The following C2CD2 variants were observed in gnomAD, a reference collection of about 807,000 sequenced individuals.
C2CD2 encodes the protein C2 domain-containing protein 2.
C2CD2 carries 43 observed loss-of-function variants against 74.3 expected under a neutral mutation model. The observed-to-expected ratio is 0.58, with a 90% CI of 0.45 to 0.75. The LOEUF (loss-of-function observed/expected upper bound fraction) is 0.75, where lower values mean the gene tolerates loss of function less well. Among genes scored for constraint, C2CD2 ranks in the 30% least tolerant of loss-of-function variants. C2CD2 has a pLI of 0.00. For synonymous variants in C2CD2, 422 were observed against 390.7 expected, an observed-to-expected ratio of 1.08 and a Z score of -0.94; for missense variants, 801 against 916.3, an observed-to-expected ratio of 0.87 and a Z score of 1.63.
rs1484228218 is a variant in C2CD2 at position 41,895,322 on chromosome 21, A to G, written c.1870+3731T>C. 6.6e-6 allele frequency among the ~76,000 whole-genome samples: 1 copy of G among 152,182 alleles called. No individual in the cohort carries two copies. The highest frequency in any genetic ancestry group is 6.5e-5 in the Admixed American group (1 of 15,278). On this transcript the variant is annotated intron_variant, in intron 13 of 13. Transcript: ENST00000380486. The surrounding 1 kb of genome is among the most constrained non-coding windows in gnomAD (Gnocchi z 5.0). ...TCTGGAGGACTGTGACTGATCCAGT[A>G]ACTGATGGTCTGGATCAAGCAGATC...
At chr21:41,941,305 A>C (rs2065352296) in intron 2 of C2CD2, among the ~76,000 whole-genome samples, 1 of 152,162 alleles carries the variant, frequency 6.6e-6, no homozygotes, top group Non-Finnish European at 1.5e-5. Flanking sequence ...AGGGTACAGT[A>C]AGCTGATGCC....
At chr21:41,900,149 C>A (rs1434423522) in intron 12 of C2CD2, among the ~76,000 whole-genome samples, 1 of 152,042 alleles carries the variant, frequency 6.6e-6, no homozygotes, top group Admixed American at 6.5e-5. Context: ...TGGCGGGCGC[C>A]TGTACTCCCA....
rs1393383574 is a variant in C2CD2 at position 41,945,381 on chromosome 21, G to A, written c.280-3136C>T. Among the ~76,000 whole-genome samples, 1 of 152,140 alleles carries A rather than the reference G, an allele frequency of 6.6e-6. No individual in the cohort carries two copies. Among genetic ancestry groups the A allele is most frequent in the Non-Finnish European group, 1.5e-5 (1 of 68,036 alleles). On this transcript the variant is annotated intron_variant, in intron 1 of 13. Transcript: ENST00000380486. This position sits in a 1 kb window ranked among gnomAD's most constrained non-coding sequence, Gnocchi z 4.2. Reference sequence around the variant, plus strand: ...AGGTAATGAACACACTTAATGCCTAGGTCTTGGTTTCTAAACACTTCTCCA... The same window carrying A: ...AGGTAATGAACACACTTAATGCCTAAGTCTTGGTTTCTAAACACTTCTCCA...
chr21:41,896,148 A>G (rs2064819779), intron 13 of C2CD2, among the ~76,000 whole-genome samples: 1 of 152,238 alleles, frequency 6.6e-6, no homozygotes, highest in Non-Finnish European at 1.5e-5. Flanking sequence ...GCTGAGCTAC[A>G]GGCTGCACTC....
chr21:41,922,937 C>A (rs2065171051), intron 2 of C2CD2, among the ~76,000 whole-genome samples: 1 of 151,964 alleles, frequency 6.6e-6, no homozygotes, highest in Admixed American at 6.6e-5. Flanking sequence ...ACTTTCTTAG[C>A]AGCTAAAGTC....
At position 41,929,948 on chromosome 21, in the gene C2CD2, G is replaced by C. The variant is rs2065248673; in HGVS notation, c.379-7863C>G. Reference sequence around the variant, plus strand: ...GCTTCTGCCTTAAGGGTACCCCTTTGCTTTTGGGGCAGAAAGCAGGCACTT... The same window carrying C: ...GCTTCTGCCTTAAGGGTACCCCTTTCCTTTTGGGGCAGAAAGCAGGCACTT... On this transcript the variant is annotated intron_variant, in intron 2 of 13. Coordinates refer to ENST00000380486, the MANE Select transcript of C2CD2 (RefSeq NM_015500.2). This position sits in a 1 kb window ranked among gnomAD's most constrained non-coding sequence, Gnocchi z 4.6. 1.3e-5 allele frequency among the ~76,000 whole-genome samples: 2 copies of C among 152,228 alleles called. No homozygotes were observed.
At position 41,929,982 on chromosome 21, in the gene C2CD2, G is replaced by A. The variant is rs559683273; in HGVS notation, c.379-7897C>T. Among the ~76,000 whole-genome samples the A allele has an allele frequency of 1.6e-4, 24 of 152,322 alleles. No homozygotes were observed. The highest frequency in any genetic ancestry group is 5.8e-4 in the African/African-American group (24 of 41,564). On this transcript the variant is annotated intron_variant, in intron 2 of 13. Coordinates refer to ENST00000380486, the MANE Select transcript of C2CD2 (RefSeq NM_015500.2). This position sits in a 1 kb window ranked among gnomAD's most constrained non-coding sequence, Gnocchi z 4.6. ...GCAGAAAGCAGGCACTTTCAAAAGG[G>A]GGCTTGGCATGAATGTCATGAAAGG...
Position 41,918,936 on chromosome 21 carries a change from T to C in C2CD2, c.517A>G (p.Arg173Gly). Residue 173 changes from arginine (R) to glycine (G), a missense_variant, in exon 4 of 14, where the codon AGA (arginine) becomes GGA (glycine). Physicochemically the swap from Arg to Gly is moderately radical, Grantham distance 125. Coordinates refer to ENST00000380486, the MANE Select transcript of C2CD2 (RefSeq NM_015500.2). ...LQLEFHMKEK[R>G]EDLQISWSFI... ...GACCAGCTAATCTGGAGGTCCTCTC[T>C]CTTCTCCTTCATGTGGAACTCCAGC... 1 of 1,614,044 alleles carries C rather than the reference T, an allele frequency of 6.2e-7. No homozygotes were observed. The highest frequency in any genetic ancestry group is 8.5e-7 in the Non-Finnish European group (1 of 1,179,850).
At chr21:41,898,186 C>T (rs1404002174) in intron 13 of C2CD2, among the ~76,000 whole-genome samples, 1 of 152,204 alleles carries the variant, frequency 6.6e-6, no homozygotes, top group Non-Finnish European at 1.5e-5. Flanking sequence ...AGAGCCAGAG[C>T]CAGGAGTTAA....
chr21:41,935,964 T>G (rs142112691), intron 2 of C2CD2, among the ~76,000 whole-genome samples: 137 of 151,894 alleles, frequency 9.0e-4, no homozygotes, highest in African/African-American at 3.2e-3. Context: ...CATGAAAAAC[T>G]TAAATGTGAG....
Position 41,914,647 on chromosome 21 carries a change from T to C in C2CD2, c.795A>G (p.Leu265=). Residue 265 remains leucine (L), a synonymous_variant, in exon 6 of 14, where the codon CTA becomes CTG. Coordinates refer to ENST00000380486, the MANE Select transcript of C2CD2 (RefSeq NM_015500.2). The part of the protein sequence containing the change: ...PKPPRAHELK[L]LVRNIHVLLL... The stretch of plus-strand genomic sequence containing the variant: ...GCAAGACGTGGATGTTCCTCACCAG[T>C]AGCTTCAGCTCGTGAGCCCTTGGAG... 7 of 1,613,738 alleles carry C rather than the reference T, an allele frequency of 4.3e-6. No individual in the cohort carries two copies. Among genetic ancestry groups the C allele is most frequent in the Non-Finnish European group, 5.9e-6 (7 of 1,179,666 alleles).
intron 1 of C2CD2, among the ~76,000 whole-genome samples, chr21:41,947,833 C>T (rs1021902665): frequency 1.3e-5 from 2 of 152,196 alleles, no homozygotes; most frequent in Non-Finnish European, 2.9e-5. Context: ...GAGGGTAGAG[C>T]TGGAGCACAA....
In C2CD2 at chr21:41,953,253, G is replaced by A; in HGVS notation, c.279+117C>T. The A allele has an allele frequency of 8.6e-6, 5 of 579,412 alleles. No homozygotes were observed. The East Asian group carries it at 1.4e-4, about 16-fold the overall frequency. The allele number at this position is 579,412 out of a possible 1,614,324, so 35.9% of individuals were successfully genotyped here. A position where few individuals can be genotyped will look rare whatever the true frequency, so the allele number is the denominator to read the frequency against. The stretch of plus-strand genomic sequence containing the variant: ...AACTCTCGAGGATGGTCTGCGCTGG[G>A]GGGAGGACTCCCTTAGCCTGGGTCA... On this transcript the variant is annotated intron_variant, in intron 1 of 13. Coordinates refer to ENST00000380486, the MANE Select transcript of C2CD2 (RefSeq NM_015500.2).
At chr21:41,953,059 A>T in intron 1 of C2CD2, 1 of 332,352 alleles carries the variant, frequency 3.0e-6, no homozygotes, top group East Asian at 4.6e-5. Context: ...CCGGGACTCC[A>T]GGCAAGGCAG....
Position 41,888,351 on chromosome 21 carries a change from A to C in C2CD2, c.*773T>G, listed in dbSNP as rs558725272. ...GCAGGAAAAAAAACCCTGGATGTCA[A>C]CTGCTCCACTAGCATTATTAGAGCT... On this transcript the variant is annotated 3_prime_UTR_variant, in exon 14 of 14. Transcript: ENST00000380486. 13 of 152,750 alleles carry C rather than the reference A, an allele frequency of 8.5e-5. No homozygotes were observed. The highest frequency in any genetic ancestry group is 8.3e-4 in the South Asian group (4 of 4,826). The allele number at this position is 152,750 out of a possible 1,614,324, so 9.5% of individuals were successfully genotyped here.
chr21:41,907,177 G>A lies in C2CD2; in HGVS notation c.1144-11C>T. ...TTCCATGTAAGAGAACTGCAGAGAAGACGCGTTACTTGTTTCTGGTTTTGT... is the reference window on the plus strand; with the variant it reads ...TTCCATGTAAGAGAACTGCAGAGAAAACGCGTTACTTGTTTCTGGTTTTGT... On this transcript the variant is annotated splice_polypyrimidine_tract_variant and intron_variant, in intron 9 of 13. Coordinates refer to ENST00000380486, the MANE Select transcript of C2CD2 (RefSeq NM_015500.2). 6.2e-7 allele frequency: 1 copy of A among 1,612,872 alleles called. No homozygotes were observed. Among genetic ancestry groups the A allele is most frequent in the African/African-American group, 1.3e-5 (1 of 75,034 alleles).
intron 2 of C2CD2, among the ~76,000 whole-genome samples, chr21:41,934,841 TCA>T (rs2065292947): frequency 6.8e-6 from 1 of 147,818 alleles, no homozygotes; most frequent in East Asian, 1.9e-4. Flanking sequence ...GGCTGCTGCT[TCA>T]CAGCCTTGCC....
intron 13 of C2CD2, among the ~76,000 whole-genome samples, chr21:41,891,552 C>A (rs1409825428): frequency 9.2e-5 from 14 of 152,310 alleles, no homozygotes. Flanking sequence ...TCAGGGGGCT[C>A]TGAGCTGACC....
chr21:41,910,815 A>G (rs2065017883), intron 7 of C2CD2, among the ~76,000 whole-genome samples: 2 of 152,170 alleles, frequency 1.3e-5, no homozygotes, highest in South Asian at 2.1e-4. Flanking sequence ...GATTATGTCT[A>G]TTAGTTTTTA....
Sources: allele counts gnomAD v4.1 joint callset (sites outside exome capture counted in the v4.1 genomes callset), GRCh38; gene constraint gnomAD v4.1.1; non-coding constraint Gnocchi (gnomAD v3.1); transcripts MANE v1.5; gene names NCBI Gene and HGNC (gene_info 2026-07-23, HGNC 2026-07-21).